SRGAP3: variants seen among roughly 807,000 people sequenced by gnomAD.
The protein encoded by SRGAP3 is SLIT-ROBO Rho GTPase-activating protein 3.
SRGAP3 carries 39 observed loss-of-function variants against 121.1 expected under a neutral mutation model. The ratio of observed to expected loss-of-function variants is 0.32; its 90% confidence interval spans 0.25 to 0.42. The LOEUF is 0.42. Ranked by LOEUF, SRGAP3 falls within the 10% of genes least tolerant of loss-of-function variation. The pLI, the probability that SRGAP3 is intolerant of heterozygous loss-of-function variation, is 1.00. For missense variants in SRGAP3, 1,213 were observed against 1,470.6 expected (o/e 0.82, Z 2.86); for synonymous variants, 601 against 570.0 (o/e 1.05, Z -0.77).
At chr3:9,315,865 A>G (rs922096734) in intron 3 of SRGAP3, among the ~76,000 whole-genome samples, 1 of 152,176 alleles carries the variant, frequency 6.6e-6, no homozygotes, top group Non-Finnish European at 1.5e-5. Flanking sequence ...GCAGCATAAA[A>G]TTAGGGAAGG....
chr3:8,982,102 T>C lies in SRGAP3; in HGVS notation c.*3417A>G, dbSNP rs546691175. 9.7e-4 allele frequency: 218 copies of C among 225,618 alleles called. 1 individual carries two copies. Among genetic ancestry groups the C allele is most frequent in the South Asian group, 7.5e-3 (41 of 5,452 alleles). The allele number at this position is 225,618 out of a possible 1,614,324, so 14.0% of individuals were successfully genotyped here. On this transcript the variant is annotated 3_prime_UTR_variant, in exon 22 of 22. Coordinates refer to ENST00000383836, the MANE Select transcript of SRGAP3 (RefSeq NM_014850.4). ...TCTCAATTTTATCCAAAAAGCTCTT[T>C]AGTGGCAGCTGAGCCACAAGGCCCA... is the stretch of plus-strand genomic sequence containing the variant.
Position 9,207,678 on chromosome 3 carries a change from G to A in SRGAP3, c.67+41207C>T, listed in dbSNP as rs554126399. On this transcript the variant is annotated intron_variant, in intron 1 of 21. Transcript: ENST00000383836. The stretch of plus-strand genomic sequence containing the variant: ...CTCCACGGGGAAGCACTGAAGCTGA[G>A]GTTGGCCCTTTGGAGTTGTCCCAGG... 2.6e-5 allele frequency among the ~76,000 whole-genome samples: 4 copies of A among 152,298 alleles called. No individual in the cohort carries two copies. The South Asian group carries it at 8.3e-4, about 32-fold the overall frequency.
chr3:9,318,794 G>A (rs1559275158), intron 3 of SRGAP3, among the ~76,000 whole-genome samples: 1 of 151,534 alleles, frequency 6.6e-6, no homozygotes, highest in Admixed American at 6.6e-5. Context: ...TGGGGGGATC[G>A]CTTGAGCCTG....
chr3:9,321,916 C>T (rs1409716624), intron 3 of SRGAP3, among the ~76,000 whole-genome samples: 3 of 151,476 alleles, frequency 2.0e-5, no homozygotes, highest in African/African-American at 7.3e-5. Flanking sequence ...CTCTGTAACA[C>T]AAGCTTACCT....
At chr3:9,047,597 C>A in intron 9 of SRGAP3, 122 bp from the exon 10 acceptor site, 1 of 911,658 alleles carries the variant, frequency 1.1e-6, no homozygotes, top group South Asian at 1.4e-5. Context: ...GCAGGGACCC[C>A]GGCGCAGGGA....
chr3:9,007,258 C>A (rs1943128646), intron 18 of SRGAP3: 1 of 152,136 alleles, frequency 6.6e-6, no homozygotes. Flanking sequence ...GTGTGAGCCA[C>A]CACGCCCAGT....
chr3:9,274,013 C>G (rs1185016331), intron 3 of SRGAP3, among the ~76,000 whole-genome samples: 2 of 152,098 alleles, frequency 1.3e-5, no homozygotes, highest in African/African-American at 2.4e-5. Flanking sequence ...GATGTTCAGC[C>G]TTCTAGATTA....
chr3:9,311,961 C>T (rs548034550), intron 3 of SRGAP3, among the ~76,000 whole-genome samples: 2 of 152,300 alleles, frequency 1.3e-5, no homozygotes, highest in South Asian at 4.2e-4. Flanking sequence ...AGTGCTAATG[C>T]ATCCACTTGC....
chr3:9,355,605 A>C (rs529796326), intron 1 of SRGAP3, among the ~76,000 whole-genome samples: 1 of 152,288 alleles, frequency 6.6e-6, no homozygotes, highest in East Asian at 1.9e-4. Context: ...TCACCTTATC[A>C]AAGAGGCTTT....
intron 3 of SRGAP3, among the ~76,000 whole-genome samples, chr3:9,315,726 T>G (rs1261531829): frequency 6.6e-6 from 1 of 152,102 alleles, no homozygotes; most frequent in Non-Finnish European, 1.5e-5. Context: ...AAATTAAAGA[T>G]GTACAAAATA....
At chr3:9,181,922 C>A (rs755578619) in intron 1 of SRGAP3, among the ~76,000 whole-genome samples, 8 of 152,070 alleles carry the variant, frequency 5.3e-5, no homozygotes, top group Non-Finnish European at 1.2e-4. Flanking sequence ...CGCCTGTAAT[C>A]CCAACACTTT....
intron 1 of SRGAP3, among the ~76,000 whole-genome samples, chr3:9,341,420 A>G (rs1176412166): frequency 1.3e-5 from 2 of 152,214 alleles, no homozygotes; most frequent in Admixed American, 1.3e-4. Context: ...AGGGCTCAAG[A>G]GCTCAGCTAT....
chr3:9,191,967 G>C (rs575730999), intron 1 of SRGAP3, among the ~76,000 whole-genome samples: 1 of 152,276 alleles, frequency 6.6e-6, no homozygotes, highest in East Asian at 1.9e-4. Context: ...TAAGTTTCCT[G>C]AGGCCTCCCC....
chr3:9,156,763 C>A (rs1950431168), intron 1 of SRGAP3, among the ~76,000 whole-genome samples: 2 of 152,154 alleles, frequency 1.3e-5, no homozygotes, highest in South Asian at 4.1e-4. Flanking sequence ...GGCAGGGAAG[C>A]AAGATCTAGT....
intron 19 of SRGAP3, 62 bp from the exon 20 acceptor site, chr3:8,993,117 G>A: frequency 6.2e-7 from 1 of 1,605,796 alleles, no homozygotes; most frequent in Non-Finnish European, 8.5e-7. Flanking sequence ...CATATACAGA[G>A]CTCCCTGATA....
chr3:9,209,212 A>G (rs1359565487), intron 1 of SRGAP3, among the ~76,000 whole-genome samples: 2 of 152,230 alleles, frequency 1.3e-5, no homozygotes, highest in Non-Finnish European at 2.9e-5. Flanking sequence ...ACATATGATT[A>G]CTTAAAAATG....
At chr3:9,054,677 T>C (rs532849326) in intron 8 of SRGAP3, among the ~76,000 whole-genome samples, 4 of 152,366 alleles carry the variant, frequency 2.6e-5, no homozygotes, top group African/African-American at 9.6e-5. Context: ...TCTCTTCAAG[T>C]ATTTTACAGA....
intron 12 of SRGAP3, among the ~76,000 whole-genome samples, chr3:9,029,214 C>T (rs908017209): frequency 1.3e-5 from 2 of 152,160 alleles, no homozygotes; most frequent in South Asian, 2.1e-4. Context: ...TTACTATGTG[C>T]CATCCAGTGC....
chr3:9,107,580 C>T (rs115278216), intron 2 of SRGAP3, among the ~76,000 whole-genome samples: 104 of 152,366 alleles, frequency 6.8e-4, no homozygotes, highest in South Asian at 3.3e-3. Flanking sequence ...GTTGACCACA[C>T]GCTAAGGCAG....
Sources: gnomAD v4.1 joint callset for allele counts (sites outside exome capture counted in the v4.1 genomes callset) on GRCh38, gnomAD v4.1.1 for gene constraint, MANE v1.5 for transcripts, NCBI Gene and HGNC (gene_info 2026-07-23, HGNC 2026-07-21) for gene names.